Variants in RASAL2 observed in about 807,000 individuals in gnomAD.
The protein encoded by RASAL2 is ras GTPase-activating protein nGAP.
Under a neutral mutation model 128.9 loss-of-function variants are expected in RASAL2, and 58 were observed. The observed-to-expected ratio is 0.45, with a 90% CI of 0.36 to 0.56. The LOEUF is 0.56. Ranked by LOEUF, RASAL2 falls within the 20% of genes least tolerant of loss-of-function variation. RASAL2 has a pLI of 0.00. For synonymous variants in RASAL2, 561 were observed against 580.8 expected, an observed-to-expected ratio of 0.97 and a Z score of 0.49; for missense variants, 1,360 against 1,601.6, an observed-to-expected ratio of 0.85 and a Z score of 2.57.
intron 4 of RASAL2, among the ~76,000 whole-genome samples, chr1:178,405,947 C>T: frequency 6.6e-6 from 1 of 152,066 alleles, no homozygotes; most frequent in African/African-American, 2.4e-5. Flanking sequence ...ACTATTTTTC[C>T]AAATTTTTTG....
intron 3 of RASAL2, among the ~76,000 whole-genome samples, chr1:178,320,776 G>A (rs1023390511): frequency 1.3e-5 from 2 of 152,218 alleles, no homozygotes; most frequent in African/African-American, 4.8e-5. Context: ...GCTGGGAGCT[G>A]TAGACCGGAG....
chr1:178,142,868 G>A (rs1484139389), intron 1 of RASAL2, among the ~76,000 whole-genome samples: 4 of 151,924 alleles, frequency 2.6e-5, no homozygotes, highest in African/African-American at 9.7e-5. Flanking sequence ...ACCAGTGAAA[G>A]TATCTACCCA....
rs1445591967 is a variant in RASAL2, at chr1:178,094,320, G to A, written c.-173G>A. On this transcript the variant is annotated 5_prime_UTR_variant, in exon 1 of 18. Coordinates refer to ENST00000367649, the MANE Select transcript of RASAL2 (RefSeq NM_170692.4). ...ACTGCAGGTGGGCTGCATCGCCCGA[G>A]CCTCGGGCAGTGGGCGACGGGGAAG... 5 of 608,126 alleles carry A rather than the reference G, an allele frequency of 8.2e-6. No homozygotes were observed. The highest frequency in any genetic ancestry group is 3.7e-5 in the Admixed American group (1 of 26,822). The allele number at this position is 608,126 out of a possible 1,614,324, so 37.7% of individuals were successfully genotyped here.
At chr1:178,285,974 T>C (rs1667006381) in intron 2 of RASAL2, among the ~76,000 whole-genome samples, 1 of 152,186 alleles carries the variant, frequency 6.6e-6, no homozygotes, top group Admixed American at 6.5e-5. Context: ...TAAATAATTT[T>C]CTAAAACAAC....
At chr1:178,294,437 G>A (rs1393730042) in intron 2 of RASAL2, among the ~76,000 whole-genome samples, 1 of 152,214 alleles carries the variant, frequency 6.6e-6, no homozygotes, top group Non-Finnish European at 1.5e-5. Context: ...TAAAGGATAG[G>A]TTTAAGGGGC....
At chr1:178,351,715 C>T (rs192338429) in intron 3 of RASAL2, among the ~76,000 whole-genome samples, 103 of 138,334 alleles carry the variant, frequency 7.4e-4, no homozygotes, top group Non-Finnish European at 1.1e-3. Context: ...GATGACAGAG[C>T]GAGACTCTAT....
chr1:178,466,525 A>G (rs1028928080), intron 16 of RASAL2, among the ~76,000 whole-genome samples: 2 of 152,194 alleles, frequency 1.3e-5, no homozygotes, highest in Admixed American at 6.5e-5. Context: ...ATGCCAAGGG[A>G]GAAAAAGGGA....
intron 1 of RASAL2, among the ~76,000 whole-genome samples, chr1:178,118,418 C>T (rs750464361): frequency 4.6e-5 from 7 of 152,094 alleles, no homozygotes; most frequent in Admixed American, 2.0e-4. Flanking sequence ...AGCTCGTTGT[C>T]GTGCAACTAG....
chr1:178,450,084 C>T (rs1369292009), intron 9 of RASAL2, among the ~76,000 whole-genome samples: 1 of 152,116 alleles, frequency 6.6e-6, no homozygotes, highest in Non-Finnish European at 1.5e-5. Flanking sequence ...ATATTGACTA[C>T]ATATCTTGGG....
intron 1 of RASAL2, among the ~76,000 whole-genome samples, chr1:178,257,697 T>C (rs1475519901): frequency 6.6e-6 from 1 of 151,600 alleles, no homozygotes; most frequent in Non-Finnish European, 1.5e-5. Context: ...ATACAAAAAA[T>C]TAGGCTTGGT....
chr1:178,300,596 C>G (rs1250798676), intron 3 of RASAL2, among the ~76,000 whole-genome samples: 2 of 152,128 alleles, frequency 1.3e-5, no homozygotes, highest in African/African-American at 4.8e-5. Context: ...AAGTCATATG[C>G]TGGACTATGG....
chr1:178,275,692 C>T (rs747570274), intron 1 of RASAL2, among the ~76,000 whole-genome samples: 1 of 152,216 alleles, frequency 6.6e-6, no homozygotes, highest in Non-Finnish European at 1.5e-5. Flanking sequence ...TCATGCTGAA[C>T]TGTGATGCAG....
intron 2 of RASAL2, among the ~76,000 whole-genome samples, chr1:178,287,146 CT>C (rs1449746988): frequency 6.6e-6 from 1 of 151,672 alleles, no homozygotes; most frequent in African/African-American, 2.4e-5. Flanking sequence ...ATCATACACA[CT>C]TGGCAAAGTG....
intron 2 of RASAL2, among the ~76,000 whole-genome samples, chr1:178,299,326 T>C (rs951084118): frequency 1.3e-5 from 2 of 152,190 alleles, no homozygotes; most frequent in Non-Finnish European, 2.9e-5. Context: ...ATTTATTTTA[T>C]TTAACATTGG....
intron 1 of RASAL2, among the ~76,000 whole-genome samples, chr1:178,221,877 A>G (rs1429331223): frequency 6.6e-6 from 1 of 152,148 alleles, no homozygotes; most frequent in East Asian, 1.9e-4. Context: ...CAACTGTAAT[A>G]CTGGATTCAT....
chr1:178,118,540 A>G (rs1489787690), intron 1 of RASAL2, among the ~76,000 whole-genome samples: 1 of 152,122 alleles, frequency 6.6e-6, no homozygotes, highest in Non-Finnish European at 1.5e-5. Flanking sequence ...CTTAGTCACA[A>G]ATGGGTTGTG....
At chr1:178,123,655 A>C (rs902303361) in intron 1 of RASAL2, 1 of 152,294 alleles carries the variant, frequency 6.6e-6, no homozygotes, top group South Asian at 2.1e-4. Flanking sequence ...TGACAGAAAA[A>C]AATGTGAGGT....
chr1:178,414,063 G>C (rs1674589743), intron 4 of RASAL2, among the ~76,000 whole-genome samples: 1 of 152,170 alleles, frequency 6.6e-6, no homozygotes, highest in Non-Finnish European at 1.5e-5. Flanking sequence ...GTCTAAAAAG[G>C]CTGCAGTATG....
At chr1:178,124,937 A>G (rs2102284653) in intron 1 of RASAL2, among the ~76,000 whole-genome samples, 1 of 152,150 alleles carries the variant, frequency 6.6e-6, no homozygotes, top group East Asian at 1.9e-4. Flanking sequence ...TTTCTTTTCT[A>G]TTAATTCAGC....
Sources: allele counts gnomAD v4.1 joint callset (sites outside exome capture counted in the v4.1 genomes callset), GRCh38; gene constraint gnomAD v4.1.1; transcripts MANE v1.5; gene names NCBI Gene and HGNC (gene_info 2026-07-23, HGNC 2026-07-21).